The following CSMD1 variants were observed in gnomAD, a reference collection of about 807,000 sequenced individuals.
CSMD1 encodes CUB and sushi domain-containing protein 1.
In CSMD1, 213 loss-of-function variants were observed where a neutral mutation model predicts 417.5. That is an observed-to-expected ratio of 0.51 (90% CI 0.46 to 0.57). The LOEUF is 0.57. CSMD1 is among the 20% of genes least tolerant of loss of function. The probability of loss-of-function intolerance (pLI) is 0.00; values close to 1 mark genes in which losing one functional copy is unlikely to be tolerated. For synonymous variants in CSMD1, 2,862 were observed against 1,736.8 expected, an observed-to-expected ratio of 1.65 and a Z score of -16.11; for missense variants, 6,923 against 4,529.7, an observed-to-expected ratio of 1.53 and a Z score of -15.17.
chr8:3,119,129 G>GA (rs1363462606), intron 41 of CSMD1, among the ~76,000 whole-genome samples: 3 of 151,902 alleles, frequency 2.0e-5, no homozygotes, highest in African/African-American at 7.3e-5. Flanking sequence ...GCAGTGAGCC[G>GA]AGATCTTGCC....
chr8:4,864,901 C>A (rs952463441), intron 1 of CSMD1, among the ~76,000 whole-genome samples: 1 of 149,030 alleles, frequency 6.7e-6, no homozygotes, highest in African/African-American at 2.5e-5. Flanking sequence ...CACACAAACA[C>A]ACACACACAC....
intron 2 of CSMD1, among the ~76,000 whole-genome samples, chr8:4,593,877 C>G (rs1322714630): frequency 3.3e-5 from 5 of 152,256 alleles, no homozygotes; most frequent in African/African-American, 7.2e-5. Flanking sequence ...AACAGACCAG[C>G]TTAAAGCAAC....
chr8:3,118,512 C>A lies in CSMD1; in HGVS notation c.6317G>T (p.Gly2106Val). Reference sequence around the variant, plus strand: ...ATAACACTCGAAAGATACTGATTGCCCCACGCTGTAATCCGAGTTGATCAT... The same window carrying A: ...ATAACACTCGAAAGATACTGATTGCACCACGCTGTAATCCGAGTTGATCAT... ...GYMINSDYSVGQSVSFECYPG... is the reference protein window; with the variant it reads ...GYMINSDYSVVQSVSFECYPG... The change falls in exon 42 of 70, where the codon GGG (glycine) becomes GTG (valine). Residue 2106 changes from glycine (G) to valine (V), a missense_variant. Coordinates refer to ENST00000635120, the MANE Select transcript of CSMD1 (RefSeq NM_033225.6). 1 of 1,613,802 alleles carries A rather than the reference C, an allele frequency of 6.2e-7. No individual in the cohort carries two copies. Among genetic ancestry groups the A allele is most frequent in the Non-Finnish European group, 8.5e-7 (1 of 1,179,820 alleles).
chr8:3,280,623 G>A (rs924701813), intron 26 of CSMD1, among the ~76,000 whole-genome samples: 37 of 152,128 alleles, frequency 2.4e-4, no homozygotes, highest in African/African-American at 8.7e-4. Context: ...CAAGTGTTAC[G>A]TGAAACCATG....
intron 1 of CSMD1, among the ~76,000 whole-genome samples, chr8:4,761,565 T>C (rs1812069409): frequency 6.6e-6 from 1 of 152,110 alleles, no homozygotes; most frequent in African/African-American, 2.4e-5. Flanking sequence ...TTGAAATTCC[T>C]TATGTTAACA....
intron 8 of CSMD1, among the ~76,000 whole-genome samples, chr8:3,592,692 C>G (rs1243677794): frequency 7.5e-6 from 1 of 133,458 alleles, no homozygotes; most frequent in East Asian, 2.1e-4. Context: ...GTGTGCACAT[C>G]CGTGTGTGTG....
At chr8:4,714,205 C>G (rs1337073752) in intron 1 of CSMD1, among the ~76,000 whole-genome samples, 1 of 152,064 alleles carries the variant, frequency 6.6e-6, no homozygotes, top group Non-Finnish European at 1.5e-5. Context: ...CCACGTCCAC[C>G]GTGTTGACGC....
At chr8:4,592,571 G>C (rs1215358192) in intron 2 of CSMD1, among the ~76,000 whole-genome samples, 5 of 151,918 alleles carry the variant, frequency 3.3e-5, no homozygotes, top group East Asian at 3.9e-4. Context: ...ATTTTTAGTA[G>C]AGACAGAGTT....
chr8:3,430,403 A>AT (rs1456544473), intron 12 of CSMD1, among the ~76,000 whole-genome samples: 1 of 152,082 alleles, frequency 6.6e-6, no homozygotes, highest in Non-Finnish European at 1.5e-5. Flanking sequence ...TCTTCTGTTT[A>AT]TTTTTTTAAT....
intron 26 of CSMD1, among the ~76,000 whole-genome samples, chr8:3,262,860 TAAGTA>T (rs1405935654): frequency 1.3e-5 from 2 of 152,194 alleles, no homozygotes; most frequent in Non-Finnish European, 2.9e-5. Context: ...GTAATAGAAA[TAAGTA>T]AATTACTTTT....
At chr8:4,487,195 A>C (rs569916369) in intron 2 of CSMD1, among the ~76,000 whole-genome samples, 1 of 152,218 alleles carries the variant, frequency 6.6e-6, no homozygotes. Flanking sequence ...ATTATACTTT[A>C]AGTTTTAGGG....
chr8:4,333,210 A>G (rs1443221367), intron 3 of CSMD1, among the ~76,000 whole-genome samples: 1 of 152,172 alleles, frequency 6.6e-6, no homozygotes, highest in African/African-American at 2.4e-5. Flanking sequence ...AGTTCTGAAC[A>G]AAACAGAAGT....
intron 10 of CSMD1, among the ~76,000 whole-genome samples, chr8:3,520,897 C>G (rs762182929): frequency 6.6e-6 from 1 of 152,098 alleles, no homozygotes; most frequent in Non-Finnish European, 1.5e-5. Context: ...GCACTGGAAC[C>G]TCCTGGTCAC....
chr8:3,697,147 G>A (rs1163807585), intron 7 of CSMD1, among the ~76,000 whole-genome samples: 1 of 152,080 alleles, frequency 6.6e-6, no homozygotes, highest in Non-Finnish European at 1.5e-5. Flanking sequence ...GTCTAAATTG[G>A]CTTTTTTGTT....
rs117217254 is a variant in CSMD1, at chr8:4,120,561, G to C, written c.416-88462C>G. On this transcript the variant is annotated intron_variant, in intron 3 of 69. Transcript: ENST00000635120. ...GGCGATAAGGGATACCAAAACTGGC[G>C]ACCGGGAGGCTTTCAAATGGCCTGT... is the stretch of plus-strand genomic sequence containing the variant. Among the ~76,000 whole-genome samples, 44 of 152,282 alleles carry C rather than the reference G, an allele frequency of 2.9e-4. No individual in the cohort carries two copies. In the East Asian group the frequency reaches 7.3e-3, roughly 25 times the overall value.
chr8:4,050,940 G>A (rs902943910), intron 3 of CSMD1, among the ~76,000 whole-genome samples: 3 of 152,048 alleles, frequency 2.0e-5, no homozygotes, highest in Admixed American at 6.6e-5. Context: ...TCCCATCCAT[G>A]ATAAGGTCTC....
intron 3 of CSMD1, among the ~76,000 whole-genome samples, chr8:4,117,692 C>T (rs568071914): frequency 6.6e-6 from 1 of 152,122 alleles, no homozygotes; most frequent in Non-Finnish European, 1.5e-5. Flanking sequence ...TGACACTGGC[C>T]TTCTCTAGTC....
chr8:3,967,370 G>C (rs1245168085), intron 5 of CSMD1, among the ~76,000 whole-genome samples: 1 of 151,998 alleles, frequency 6.6e-6, no homozygotes, highest in Admixed American at 6.6e-5. Flanking sequence ...ACATGGAACT[G>C]CAGGCTCATT....
chr8:4,819,616 G>A (rs1418992302), intron 1 of CSMD1, among the ~76,000 whole-genome samples: 2 of 152,080 alleles, frequency 1.3e-5, no homozygotes, highest in East Asian at 1.9e-4. Flanking sequence ...CTCCTTTTAA[G>A]ATTGGAATAT....
Sources: gnomAD v4.1 joint callset for allele counts (sites outside exome capture counted in the v4.1 genomes callset) on GRCh38, gnomAD v4.1.1 for gene constraint, MANE v1.5 for transcripts, NCBI Gene and HGNC (gene_info 2026-07-23, HGNC 2026-07-21) for gene names.